Variants in RBM17 observed in about 807,000 individuals in gnomAD.
The protein encoded by RBM17 is RNA binding motif protein 17, also known as splicing factor 45.
RBM17 carries 7 observed loss-of-function variants against 53.2 expected under a neutral mutation model. The ratio of observed to expected loss-of-function variants is 0.13; its 90% CI spans 0.07 to 0.25. The LOEUF (loss-of-function observed/expected upper bound fraction) is 0.25, where lower values mean the gene tolerates loss of function less well. RBM17 is among the 10% of genes least tolerant of loss of function. The pLI is 1.00. For missense variants in RBM17, 257 were observed against 496.7 expected, an observed-to-expected ratio of 0.52 and a Z score of 4.59; for synonymous variants, 167 against 178.1, an observed-to-expected ratio of 0.94 and a Z score of 0.50.
At chr10:6,110,148 T>C (rs1283363082) in intron 7 of RBM17, 21 bp downstream of exon 7, 3 of 1,593,554 alleles carry the variant, frequency 1.9e-6, no homozygotes, top group East Asian at 4.5e-5. Context: ...AATGTTCTTA[T>C]CTAAGGACTT....
intron 3 of RBM17, among the ~76,000 whole-genome samples, chr10:6,104,262 A>C (rs888007975): frequency 6.6e-6 from 1 of 152,206 alleles, no homozygotes; most frequent in African/African-American, 2.4e-5. Context: ...TCTTTCAAAG[A>C]GTAGACCAAG....
intron 2 of RBM17, among the ~76,000 whole-genome samples, chr10:6,099,040 G>A (rs1363853724): frequency 6.6e-6 from 1 of 151,740 alleles, no homozygotes; most frequent in African/African-American, 2.4e-5. Context: ...TTTAAAACAA[G>A]GTTTCATTCC....
intron 5 of RBM17, 67 bp downstream of exon 5, chr10:6,106,305 T>C (rs1212082145): frequency 2.8e-6 from 3 of 1,070,436 alleles, no homozygotes. Context: ...CTATGTGCTT[T>C]TTCTTTTCAG....
chr10:6,090,689 A>G (rs1369354696), intron 1 of RBM17, among the ~76,000 whole-genome samples: 2 of 152,056 alleles, frequency 1.3e-5, no homozygotes, highest in African/African-American at 2.4e-5. Context: ...CATCTCTCAA[A>G]CCTTTCATAA....
At chr10:6,092,866 CT>C (rs1490724991) in intron 1 of RBM17, among the ~76,000 whole-genome samples, 3 of 152,172 alleles carry the variant, frequency 2.0e-5, no homozygotes, top group African/African-American at 4.8e-5. Context: ...AAATGAGGAC[CT>C]TTAAATGAGC....
At position 6,097,031 on chromosome 10, in the gene RBM17, C is replaced by T; in HGVS notation, c.-18-17C>T. The stretch of plus-strand genomic sequence containing the variant: ...TGAATTGTGCATTCTTTAATCCCCA[C>T]CCCTTTTGCCTTTCAGCATTAAACT... On this transcript the variant is annotated splice_polypyrimidine_tract_variant and intron_variant, in intron 1 of 11. Transcript: ENST00000379888. The T allele has an allele frequency of 1.2e-6, 2 of 1,603,206 alleles. No individual in the cohort carries two copies. The highest frequency in any genetic ancestry group is 2.2e-4 in the Middle Eastern group (1 of 4,484).
At chr10:6,108,863 T>G in intron 6 of RBM17, 121 bp downstream of exon 6, 1 of 351,976 alleles carries the variant, frequency 2.8e-6, no homozygotes, top group Non-Finnish European at 5.2e-6. Flanking sequence ...CAAGCCTGCC[T>G]GGCTCTGTCA....
intron 2 of RBM17, among the ~76,000 whole-genome samples, chr10:6,098,568 T>TTTTTTTTTTTG (rs1840618129): frequency 2.4e-5 from 2 of 84,680 alleles, no homozygotes; most frequent in African/African-American, 5.7e-5. Context: ...TTTTTGTTTT[T>TTTTTTTTTTTG]TTTTTTTTTT....
Position 6,112,154 on chromosome 10 carries a change from C to G in RBM17, c.705-56C>G, listed in dbSNP as rs1163369004. 4.4e-5 allele frequency: 70 copies of G among 1,577,676 alleles called. No individual in the cohort carries two copies. The highest frequency in any genetic ancestry group is 5.6e-5 in the Non-Finnish European group (65 of 1,164,188). ...GGTTGTTGTGATGGAAAAATGCAAC[C>G]TATCTCCAGTTGACGATGTCAAGGC... On this transcript the variant is annotated intron_variant, in intron 7 of 11. Coordinates refer to ENST00000379888, the MANE Select transcript of RBM17 (RefSeq NM_032905.5). This position sits in a 1 kb window ranked among gnomAD's most constrained non-coding sequence, Gnocchi z 4.4.
intron 1 of RBM17, among the ~76,000 whole-genome samples, chr10:6,090,407 A>G (rs1458806748): frequency 6.6e-6 from 1 of 152,216 alleles, no homozygotes; most frequent in African/African-American, 2.4e-5. Context: ...TTAGTGAGCT[A>G]AACGAGAGGG....
chr10:6,107,182 AATTT>A (rs1200060925), intron 5 of RBM17, among the ~76,000 whole-genome samples: 10 of 152,180 alleles, frequency 6.6e-5, no homozygotes, highest in African/African-American at 2.4e-4. Context: ...TAGAAGAATG[AATTT>A]ATTTATTTTT....
At chr10:6,106,265 A>G (rs748449514) in intron 5 of RBM17, 27 bp downstream of exon 5, 1 of 1,434,670 alleles carries the variant, frequency 7.0e-7, no homozygotes, top group Non-Finnish European at 9.8e-7. Flanking sequence ...TATGTCTTAA[A>G]CATATATAAA....
intron 2 of RBM17, among the ~76,000 whole-genome samples, chr10:6,100,853 G>T (rs1345329543): frequency 1.3e-5 from 2 of 152,114 alleles, no homozygotes; most frequent in African/African-American, 2.4e-5. Flanking sequence ...CTTTCAAATG[G>T]TCTAGCAAAA....
rs1207689137 is a variant in RBM17 at position 6,106,924 on chromosome 10, TAGC to T, written c.505+689_505+691del. 2.0e-5 allele frequency among the ~76,000 whole-genome samples: 3 copies of T among 152,254 alleles called. No homozygotes were observed. The East Asian group carries it at 5.8e-4, about 29-fold the overall frequency. ...GATGTTCTTATTTTAATGTGATTAG[TAGC>T]AGATTTCCAGTAATCACCCTGAATT... On this transcript the variant is annotated intron_variant, in intron 5 of 11. Coordinates refer to ENST00000379888, the MANE Select transcript of RBM17 (RefSeq NM_032905.5).
rs184663863 is a variant in RBM17, at chr10:6,116,690, A to G, written c.*1134A>G. 3.9e-5 allele frequency: 6 copies of G among 152,496 alleles called. No homozygotes were observed. Among genetic ancestry groups the G allele is most frequent in the Admixed American group, 2.6e-4 (4 of 15,310 alleles). The allele number at this position is 152,496 out of a possible 1,614,324, so 9.4% of individuals were successfully genotyped here. On this transcript the variant is annotated 3_prime_UTR_variant, in exon 12 of 12. Transcript: ENST00000379888. ...CGAGCCCGTGCTGTCTCCTTTGGTT[A>G]TTATGACATGAAAGTGTATCAAGAA...
chr10:6,107,925 A>G (rs147175722), intron 5 of RBM17, among the ~76,000 whole-genome samples: 140 of 152,274 alleles, frequency 9.2e-4, no homozygotes, highest in African/African-American at 3.2e-3. Flanking sequence ...TACGTAATCC[A>G]TATATGTTAG....
intron 5 of RBM17, chr10:6,108,469 C>G (rs1223534780): frequency 2.0e-6 from 1 of 495,270 alleles, no homozygotes; most frequent in Non-Finnish European, 3.6e-6. Context: ...TATGAAGGAA[C>G]AATTTTGCAT....
chr10:6,106,620 T>C (rs558540300), intron 5 of RBM17, among the ~76,000 whole-genome samples: 54 of 152,376 alleles, frequency 3.5e-4, no homozygotes, highest in Non-Finnish European at 1.8e-4. Context: ...ACACATTTCA[T>C]ATCCGCTATC....
intron 3 of RBM17, 67 bp downstream of exon 3, chr10:6,101,454 A>G (rs1840668914): frequency 2.1e-6 from 2 of 958,928 alleles, no homozygotes; most frequent in Non-Finnish European, 3.2e-6. Context: ...TTTGCATATG[A>G]GTTACTCTTA....
Sources: allele counts gnomAD v4.1 joint callset (sites outside exome capture counted in the v4.1 genomes callset), GRCh38; gene constraint gnomAD v4.1.1; non-coding constraint Gnocchi (gnomAD v3.1); transcripts MANE v1.5; gene names NCBI Gene and HGNC (gene_info 2026-07-23, HGNC 2026-07-21).